The following VWC2L variants were observed in gnomAD, a reference collection of about 807,000 sequenced individuals.
VWC2L encodes the protein von Willebrand factor C domain containing 2 like.
VWC2L carries 10 observed loss-of-function variants against 21.6 expected under a neutral mutation model. That is an observed-to-expected ratio of 0.46 (90% CI 0.29 to 0.78). VWC2L has a LOEUF of 0.78. VWC2L is among the 30% of genes least tolerant of loss of function. The pLI, the probability that VWC2L is intolerant of heterozygous loss-of-function variation, is 0.10. For missense variants in VWC2L, 209 were observed against 277.1 expected, an observed-to-expected ratio of 0.75 and a Z score of 1.74; for synonymous variants, 96 against 94.3, an observed-to-expected ratio of 1.02 and a Z score of -0.10.
In VWC2L at chr2:214,563,546, C is replaced by CA. The variant is rs55864016; in HGVS notation, c.521-12091dup. ...TGGGTGACACAGCAAGACTCCGTCTCAAAAAAAAAAAAAAAAAAAAAAAAA... is the reference window on the plus strand; with the variant it reads ...TGGGTGACACAGCAAGACTCCGTCTCAAAAAAAAAAAAAAAAAAAAAAAAAA... On this transcript the variant is annotated intron_variant, in intron 3 of 3. Transcript: ENST00000312504. 1.5e-3 allele frequency among the ~76,000 whole-genome samples: 140 copies of CA among 95,848 alleles called. 9 individuals carry two copies. The highest frequency in any genetic ancestry group is 4.8e-3 in the African/African-American group (115 of 23,778). The allele number at this position is 95,848 out of a possible 152,430, so 62.9% of individuals were successfully genotyped here. A position where few individuals can be genotyped will look rare whatever the true frequency, so the allele number is the denominator to read the frequency against.
At chr2:214,425,799 G>A (rs114680972) in intron 2 of VWC2L, among the ~76,000 whole-genome samples, 225 of 152,184 alleles carry the variant, frequency 1.5e-3, no homozygotes, top group African/African-American at 4.8e-3. Context: ...CTCAAGGTGC[G>A]CCTAGTCTAT....
chr2:214,525,170 T>G (rs888997577), intron 3 of VWC2L: 1 of 152,038 alleles, frequency 6.6e-6, no homozygotes, highest in Non-Finnish European at 1.5e-5. Flanking sequence ...CCATTTTTCT[T>G]CAGGAAAAAT....
chr2:214,423,073 G>GT (rs1038690420), intron 2 of VWC2L, among the ~76,000 whole-genome samples: 17 of 151,728 alleles, frequency 1.1e-4, no homozygotes, highest in Admixed American at 6.6e-4. Context: ...AGCTCAGAAG[G>GT]TTTTTTTTAA....
chr2:214,426,939 A>T (rs1326383748), intron 2 of VWC2L, among the ~76,000 whole-genome samples: 3 of 152,184 alleles, frequency 2.0e-5, no homozygotes, highest in Non-Finnish European at 4.4e-5. Context: ...GTTTCATTTT[A>T]AAAAGCTCCC....
chr2:214,482,477 G>GTGTA lies in VWC2L; in HGVS notation c.520+45737_520+45740dup, dbSNP rs60896750. Among the ~76,000 whole-genome samples, 1,361 of 150,396 alleles carry GTGTA rather than the reference G, an allele frequency of 9.0e-3. 19 individuals carry two copies. Among genetic ancestry groups the GTGTA allele is most frequent in the African/African-American group, 0.029 (1,175 of 40,874 alleles). ...TATATACACATACACACATATATACGTGTATGTATGTATGTATGTATATAT... is the reference window on the plus strand; with the variant it reads ...TATATACACATACACACATATATACGTGTATGTATGTATGTATGTATGTATATAT... On this transcript the variant is annotated intron_variant, in intron 3 of 3. Transcript: ENST00000312504.
At chr2:214,461,165 TC>T (rs1241471847) in intron 3 of VWC2L, among the ~76,000 whole-genome samples, 1 of 152,158 alleles carries the variant, frequency 6.6e-6, no homozygotes, top group East Asian at 1.9e-4. Flanking sequence ...GGACAAATGT[TC>T]CTGTCCTTGG....
intron 3 of VWC2L, among the ~76,000 whole-genome samples, chr2:214,574,382 A>G (rs1312988316): frequency 6.6e-6 from 1 of 152,220 alleles, no homozygotes; most frequent in Non-Finnish European, 1.5e-5. Context: ...AATTAAAACC[A>G]TAACATATTG....
intron 3 of VWC2L, among the ~76,000 whole-genome samples, chr2:214,445,078 T>TA (rs930490271): frequency 3.3e-5 from 5 of 151,514 alleles, no homozygotes; most frequent in South Asian, 2.1e-4. Context: ...GTAGTTAGGT[T>TA]AAAAAAAATA....
chr2:214,550,278 G>A (rs1171768483), intron 3 of VWC2L, among the ~76,000 whole-genome samples: 6 of 151,960 alleles, frequency 3.9e-5, no homozygotes, highest in Admixed American at 6.6e-5. Context: ...CAACAGACTC[G>A]GCCATAGGAG....
intron 3 of VWC2L, among the ~76,000 whole-genome samples, chr2:214,448,671 G>A (rs534653080): frequency 6.6e-6 from 1 of 152,184 alleles, no homozygotes; most frequent in Non-Finnish European, 1.5e-5. Flanking sequence ...TCGCTTTAGT[G>A]CAAAATTAAT....
intron 3 of VWC2L, among the ~76,000 whole-genome samples, chr2:214,447,542 C>T (rs1339354528): frequency 2.0e-5 from 3 of 152,178 alleles, no homozygotes; most frequent in African/African-American, 7.2e-5. Flanking sequence ...CCAGAGCCAA[C>T]CGCGCCCTAC....
chr2:214,532,719 T>G (rs551576220), intron 3 of VWC2L, among the ~76,000 whole-genome samples: 124 of 152,258 alleles, frequency 8.1e-4, no homozygotes, highest in African/African-American at 2.8e-3. Flanking sequence ...AATGGCAGCT[T>G]TTTCTATTTG....
At chr2:214,482,444 A>G (rs1460145081) in intron 3 of VWC2L, among the ~76,000 whole-genome samples, 1 of 151,782 alleles carries the variant, frequency 6.6e-6, no homozygotes, top group African/African-American at 2.4e-5. Flanking sequence ...CCAAACTGGT[A>G]AAATATATAT....
intron 3 of VWC2L, among the ~76,000 whole-genome samples, chr2:214,451,828 T>C (rs929295151): frequency 6.6e-6 from 1 of 152,230 alleles, no homozygotes; most frequent in African/African-American, 2.4e-5. Flanking sequence ...AATAAAATTT[T>C]ATGTCGTGAT....
At chr2:214,419,082 T>C (rs11685744) in intron 2 of VWC2L, among the ~76,000 whole-genome samples, 24,807 of 152,174 alleles carry the variant, frequency 0.16, 2,079 homozygotes, top group East Asian at 0.25. Context: ...ACTGATGTCA[T>C]TTATAAAGGT....
At chr2:214,549,837 G>A (rs953086726) in intron 3 of VWC2L, among the ~76,000 whole-genome samples, 4 of 152,118 alleles carry the variant, frequency 2.6e-5, no homozygotes, top group African/African-American at 9.7e-5. Context: ...ATCAAAGACT[G>A]AGATCTGGGT....
At chr2:214,533,961 G>T (rs1012071962) in intron 3 of VWC2L, 1 of 152,526 alleles carries the variant, frequency 6.6e-6, no homozygotes, top group South Asian at 2.1e-4. Flanking sequence ...GGATGGAAAC[G>T]CTTTCAATTC....
chr2:214,475,006 A>C (rs1688489831), intron 3 of VWC2L, among the ~76,000 whole-genome samples: 1 of 152,104 alleles, frequency 6.6e-6, no homozygotes, highest in Non-Finnish European at 1.5e-5. Flanking sequence ...CTGGTTTGGG[A>C]CAACTGTTAT....
intron 2 of VWC2L, among the ~76,000 whole-genome samples, chr2:214,417,985 C>T (rs1459521499): frequency 3.3e-5 from 5 of 152,170 alleles, no homozygotes; most frequent in Non-Finnish European, 5.9e-5. Context: ...TCATCAACCT[C>T]TCCAAATCCC....
Sources: allele counts gnomAD v4.1 joint callset (sites outside exome capture counted in the v4.1 genomes callset), GRCh38; gene constraint gnomAD v4.1.1; transcripts MANE v1.5; gene names NCBI Gene and HGNC (gene_info 2026-07-23, HGNC 2026-07-21).